The following TET2 variants were observed in gnomAD, a reference collection of about 807,000 sequenced individuals.
TET2 encodes the protein methylcytosine dioxygenase TET2.
In TET2, 299 loss-of-function variants were observed where a neutral mutation model predicts 142.9. That is an observed-to-expected ratio of 2.09 (90% CI 1.90 to 2.30). The LOEUF (loss-of-function observed/expected upper bound fraction) is 2.30, where lower values mean the gene tolerates loss of function less well. Ranked by LOEUF, TET2 falls within the 30% of genes most tolerant of loss-of-function variation. The probability of loss-of-function intolerance (pLI) is 0.00; values close to 1 mark genes in which losing one functional copy is unlikely to be tolerated. For missense variants in TET2, 2,418 were observed against 2,378.0 expected, an observed-to-expected ratio of 1.02 and a Z score of -0.35; for synonymous variants, 819 against 849.0, an observed-to-expected ratio of 0.96 and a Z score of 0.61.
chr4:105,254,413 A>G (rs1730020478), intron 6 of TET2, among the ~76,000 whole-genome samples: 1 of 151,960 alleles, frequency 6.6e-6, no homozygotes. Context: ...ATATTTCTTT[A>G]TTATCCTTTG....
chr4:105,266,136 C>T (rs1730670546), intron 8 of TET2, among the ~76,000 whole-genome samples: 1 of 151,454 alleles, frequency 6.6e-6, no homozygotes, highest in Admixed American at 6.6e-5. Context: ...AAGAAGCAGG[C>T]AGAATAATCC....
intron 2 of TET2, among the ~76,000 whole-genome samples, chr4:105,224,280 C>T (rs1337831560): frequency 6.6e-6 from 1 of 152,082 alleles, no homozygotes; most frequent in Non-Finnish European, 1.5e-5. Flanking sequence ...TCCGAAGAGT[C>T]AAATGGTATG....
rs560141815 is a variant in TET2, at chr4:105,256,218, G to C, written c.3804-3401G>C. ...AATTATCTTTACTGGTGCTCTTTAA[G>C]TTCTTAGGTGTATTTGAGGTACTGT... On this transcript the variant is annotated intron_variant, in intron 6 of 10. Transcript: ENST00000380013. 2.6e-5 allele frequency among the ~76,000 whole-genome samples: 4 copies of C among 152,170 alleles called. No individual in the cohort carries two copies. The South Asian group carries it at 8.3e-4, about 32-fold the overall frequency.
In TET2 at chr4:105,195,519, C is replaced by G. The variant is rs575272969; in HGVS notation, c.-47+5014C>G. Among the ~76,000 whole-genome samples, 12 of 152,154 alleles carry G rather than the reference C, an allele frequency of 7.9e-5. 1 individual carries two copies. The South Asian group carries it at 2.5e-3, about 32-fold the overall frequency. ...CCATGGATATCAAAATCTGTGGATC[C>G]TCAAGTCTCTTATATAAAATAGTGC... is the stretch of plus-strand genomic sequence containing the variant. On this transcript the variant is annotated intron_variant, in intron 2 of 10. Coordinates refer to ENST00000380013, the MANE Select transcript of TET2 (RefSeq NM_001127208.3).
intron 1 of TET2, among the ~76,000 whole-genome samples, chr4:105,151,317 T>A (rs1444447017): frequency 6.6e-6 from 1 of 152,080 alleles, no homozygotes; most frequent in African/African-American, 2.4e-5. Context: ...AGAGACCCTA[T>A]CTCAAACAGC....
chr4:105,186,668 C>T (rs561587684), intron 1 of TET2, among the ~76,000 whole-genome samples: 19 of 151,960 alleles, frequency 1.3e-4, no homozygotes. Context: ...GACGGGGTTT[C>T]ATCATGTTGT....
chr4:105,273,103 A>G (rs973711813), intron 10 of TET2, among the ~76,000 whole-genome samples, 185 bp downstream of exon 10: 3 of 152,198 alleles, frequency 2.0e-5, no homozygotes, highest in Non-Finnish European at 4.4e-5. Context: ...TTACCTAGGT[A>G]TTAAGCCCAG....
chr4:105,210,936 G>C (rs905446083), intron 2 of TET2, among the ~76,000 whole-genome samples: 1 of 152,128 alleles, frequency 6.6e-6, no homozygotes, highest in African/African-American at 2.4e-5. Flanking sequence ...ATCAGTTCAT[G>C]TCACTGCTTT....
Position 105,243,712 on chromosome 4 carries a change from C to CT in TET2, c.3737_3738insT (p.Glu1247GlyfsTer21). Reference sequence around the variant, plus strand: ...CTGTCTCTGGCTGACAAACTCTACTCGGAGCTTACCGAGACGCTGAGGAAA... The same window carrying CT: ...CTGTCTCTGGCTGACAAACTCTACTCTGGAGCTTACCGAGACGCTGAGGAAA... On this transcript the variant is annotated frameshift_variant, in exon 6 of 11. Transcript: ENST00000380013. LOFTEE classifies it high-confidence loss of function. The CT allele has an allele frequency of 6.4e-7, 1 of 1,551,530 alleles. No homozygotes were observed. The highest frequency in any genetic ancestry group is 8.7e-7 in the Non-Finnish European group (1 of 1,146,936).
chr4:105,218,847 T>A (rs1040222237), intron 2 of TET2, among the ~76,000 whole-genome samples: 2 of 151,860 alleles, frequency 1.3e-5, no homozygotes, highest in African/African-American at 4.8e-5. Context: ...AATGAAAAAA[T>A]ATATATAATG....
chr4:105,202,453 T>C (rs1482685864), intron 2 of TET2: 2 of 152,192 alleles, frequency 1.3e-5, no homozygotes, highest in African/African-American at 2.4e-5. Flanking sequence ...CCTAGGTCGC[T>C]TCCCACTACT....
chr4:105,180,328 C>T (rs1038817114), intron 1 of TET2, among the ~76,000 whole-genome samples: 1 of 152,158 alleles, frequency 6.6e-6, no homozygotes, highest in Non-Finnish European at 1.5e-5. Flanking sequence ...CATTCCTAGT[C>T]TAAAAATACT....
chr4:105,196,082 T>C (rs915489489), intron 2 of TET2, among the ~76,000 whole-genome samples: 1 of 152,078 alleles, frequency 6.6e-6, no homozygotes, highest in Non-Finnish European at 1.5e-5. Flanking sequence ...AAACACAGTT[T>C]AGACATATCC....
chr4:105,273,598 GAAGAA>G (rs1445643407), intron 10 of TET2, among the ~76,000 whole-genome samples: 1 of 152,116 alleles, frequency 6.6e-6, no homozygotes, highest in African/African-American at 2.4e-5. Context: ...GAATGAAAGA[GAAGAA>G]AAGTTTAAAG....
intron 1 of TET2, among the ~76,000 whole-genome samples, chr4:105,153,594 T>A (rs762068228): frequency 6.6e-5 from 10 of 152,250 alleles, no homozygotes; most frequent in Non-Finnish European, 1.0e-4. Flanking sequence ...AGATAGGTAT[T>A]ATTCTTATCC....
In TET2 at chr4:105,261,748, A is replaced by G. The variant is rs1051699752; in HGVS notation, c.3955-11A>G. 7.3e-6 allele frequency: 11 copies of G among 1,498,320 alleles called. No individual in the cohort carries two copies. In the African/African-American group the frequency reaches 1.5e-4, roughly 21 times the overall value. The allele number at this position is 1,498,320 out of a possible 1,614,324, so 92.8% of individuals were successfully genotyped here. On this transcript the variant is annotated splice_polypyrimidine_tract_variant and intron_variant, in intron 7 of 10. Transcript: ENST00000380013. ...TAGAATTTAATATGTAGAATTATTC[A>G]CTTTATACAGGAAGAGAAACTGGAG...
chr4:105,233,986 G>T lies in TET2; in HGVS notation c.44G>T (p.Ser15Ile). ...AACCATGTTGAGGGCAACAGACTAAGTCCATTCCTGATACCATCACCTCCC... is the reference window on the plus strand; with the variant it reads ...AACCATGTTGAGGGCAACAGACTAATTCCATTCCTGATACCATCACCTCCC... The part of the protein sequence containing the change: ...RTNHVEGNRL[S>I]PFLIPSPPIC... Residue 15 changes from serine to isoleucine, a missense_variant, in exon 3 of 11, where the codon AGT becomes ATT. By Grantham distance (142) the Ser-to-Ile change is moderately radical. Coordinates refer to ENST00000380013, the MANE Select transcript of TET2 (RefSeq NM_001127208.3). The T allele has an allele frequency of 6.2e-7, 1 of 1,614,060 alleles. No homozygotes were observed. Among genetic ancestry groups the T allele is most frequent in the Non-Finnish European group, 8.5e-7 (1 of 1,180,004 alleles).
intron 6 of TET2, among the ~76,000 whole-genome samples, chr4:105,255,921 G>GATGTT (rs57389123): frequency 0.6 from 91,303 of 151,058 alleles, 28,307 homozygotes; most frequent in African/African-American, 0.76. Context: ...TAAATTTTTT[G>GATGTT]ATGTTCTTAA....
rs1490671257 is a variant in TET2 at position 105,259,722 on chromosome 4, A to G, written c.3907A>G (p.Ser1303Gly). The change falls in exon 7 of 11, where the codon AGC (serine) becomes GGC (glycine). Residue 1303 changes from serine to glycine, a missense_variant. Physicochemically the swap from Ser to Gly is moderately conservative, Grantham distance 56 (BLOSUM62 0). Transcript: ENST00000380013. ...MYYNGCKFAR[S>G]KIPRKFKLLG... ...CTACAATGGATGTAAGTTTGCCAGA[A>G]GCAAGATCCCAAGGAAGTTTAAGCT... 6.4e-7 allele frequency: 1 copy of G among 1,551,026 alleles called. No homozygotes were observed. The highest frequency in any genetic ancestry group is 8.7e-7 in the Non-Finnish European group (1 of 1,146,590).
Sources: gnomAD v4.1 joint callset for allele counts (sites outside exome capture counted in the v4.1 genomes callset) on GRCh38, gnomAD v4.1.1 for gene constraint, MANE v1.5 for transcripts, NCBI Gene and HGNC (gene_info 2026-07-23, HGNC 2026-07-21) for gene names.